The following EPB41L2 variants were observed in gnomAD, a reference collection of about 807,000 sequenced individuals.
The protein encoded by EPB41L2 is erythrocyte membrane protein band 4.1 like 2.
A neutral mutation model predicts 113.0 loss-of-function variants in EPB41L2; 43 were observed. That is an observed-to-expected ratio of 0.38 (90% CI 0.30 to 0.49). The LOEUF (loss-of-function observed/expected upper bound fraction) is 0.49, where lower values mean the gene tolerates loss of function less well. EPB41L2 is among the 20% of genes least tolerant of loss of function. EPB41L2 has a pLI of 0.95. For synonymous variants in EPB41L2, 442 were observed against 436.7 expected (o/e 1.01, Z -0.15); for missense variants, 1,147 against 1,223.4 (o/e 0.94, Z 0.93).
intron 3 of EPB41L2, among the ~76,000 whole-genome samples, chr6:130,945,636 C>T (rs754377849): frequency 4.8e-4 from 73 of 152,078 alleles, no homozygotes; most frequent in African/African-American, 1.6e-3. Context: ...ACACATATAC[C>T]GACTTATCAG....
intron 1 of EPB41L2, among the ~76,000 whole-genome samples, chr6:131,000,456 A>G (rs1422933333): frequency 1.3e-5 from 2 of 152,182 alleles, no homozygotes; most frequent in Middle Eastern, 3.2e-3. Context: ...AATCTGACCA[A>G]CGCAACTACC....
At chr6:130,926,234 T>C (rs535109550) in intron 4 of EPB41L2, among the ~76,000 whole-genome samples, 3 of 152,330 alleles carry the variant, frequency 2.0e-5, no homozygotes, top group South Asian at 2.1e-4. Context: ...CCAGCTTCTT[T>C]ACTTATTTAG....
intron 4 of EPB41L2, among the ~76,000 whole-genome samples, chr6:130,919,501 T>G (rs1402314926): frequency 1.8e-5 from 1 of 55,960 alleles, no homozygotes; most frequent in Non-Finnish European, 2.9e-5. Flanking sequence ...TTTCTACCCA[T>G]GTATCCCCAC....
chr6:131,035,545 C>G (rs1450092088), intron 1 of EPB41L2, among the ~76,000 whole-genome samples: 1 of 152,172 alleles, frequency 6.6e-6, no homozygotes, highest in Admixed American at 6.5e-5. Context: ...CTGAGCTCTT[C>G]TGGGATGATG....
chr6:130,891,268 A>T (rs1425360630), intron 10 of EPB41L2, among the ~76,000 whole-genome samples: 1 of 152,148 alleles, frequency 6.6e-6, no homozygotes, highest in African/African-American at 2.4e-5. Flanking sequence ...TTTCTTAAAG[A>T]ACACTATCAT....
intron 1 of EPB41L2, among the ~76,000 whole-genome samples, chr6:130,995,678 A>G (rs1267091700): frequency 6.6e-6 from 1 of 152,206 alleles, no homozygotes; most frequent in Non-Finnish European, 1.5e-5. Flanking sequence ...TACATAGTAT[A>G]TATCTGAACC....
intron 10 of EPB41L2, among the ~76,000 whole-genome samples, chr6:130,891,332 TA>T (rs1279112885): frequency 6.7e-6 from 1 of 150,066 alleles, no homozygotes; most frequent in Non-Finnish European, 1.5e-5. Flanking sequence ...TCTTCTGCAA[TA>T]AAGAAAAAAA....
chr6:130,950,355 G>A (rs1035726387), intron 3 of EPB41L2, among the ~76,000 whole-genome samples: 3 of 151,864 alleles, frequency 2.0e-5, no homozygotes, highest in African/African-American at 7.3e-5. Context: ...AAAGGCAAAC[G>A]ACACTAGAAA....
At chr6:130,864,557 C>T (rs1783124209) in intron 17 of EPB41L2, among the ~76,000 whole-genome samples, 1 of 152,166 alleles carries the variant, frequency 6.6e-6, no homozygotes, top group Non-Finnish European at 1.5e-5. Context: ...GATCATCTGG[C>T]TGTGACCTTC....
intron 19 of EPB41L2, among the ~76,000 whole-genome samples, chr6:130,852,664 G>A (rs972762874): frequency 6.6e-6 from 1 of 152,106 alleles, no homozygotes; most frequent in Admixed American, 6.6e-5. Context: ...TCACAAAGAA[G>A]GTAAGTTACA....
chr6:130,899,818 T>C (rs894903246), intron 7 of EPB41L2, among the ~76,000 whole-genome samples: 18 of 152,302 alleles, frequency 1.2e-4, no homozygotes, highest in Middle Eastern at 3.4e-3. Context: ...CCATTTTATC[T>C]TAAAAAGTTG....
chr6:131,029,465 A>C (rs1488377107), intron 1 of EPB41L2, among the ~76,000 whole-genome samples: 1 of 151,906 alleles, frequency 6.6e-6, no homozygotes, highest in Admixed American at 6.6e-5. Context: ...GCTAAATAGC[A>C]CATTAATAAC....
chr6:131,006,431 G>T (rs917135191), intron 1 of EPB41L2, among the ~76,000 whole-genome samples: 56 of 151,688 alleles, frequency 3.7e-4, no homozygotes, highest in African/African-American at 1.2e-3. Context: ...GGAGGCCGAG[G>T]CAGGCAGATC....
intron 5 of EPB41L2, 124 bp downstream of exon 5, chr6:130,908,697 G>T: frequency 3.2e-6 from 2 of 628,706 alleles, no homozygotes; most frequent in Non-Finnish European, 5.2e-6. Flanking sequence ...AATATTATTA[G>T]TATTATTAAC....
intron 8 of EPB41L2, among the ~76,000 whole-genome samples, chr6:130,897,554 T>G (rs1795030075): frequency 1.3e-5 from 2 of 152,226 alleles, no homozygotes; most frequent in South Asian, 4.1e-4. Flanking sequence ...AAGAATTGGT[T>G]TCTAACTAAC....
At position 130,948,389 on chromosome 6, in the gene EPB41L2, C is replaced by A. The variant is rs77946462; in HGVS notation, c.705+6716G>T. 2.3e-4 allele frequency among the ~76,000 whole-genome samples: 35 copies of A among 151,928 alleles called. 2 individuals carry two copies. The East Asian group carries it at 6.2e-3, about 27-fold the overall frequency. On this transcript the variant is annotated intron_variant, in intron 3 of 19. Coordinates refer to ENST00000337057, the MANE Select transcript of EPB41L2 (RefSeq NM_001431.4). ...ATTCCAAAACGAGATCCGAGATCTA[C>A]GAAATGCATACTAAATAAGATGGGG...
chr6:130,930,877 A>G (rs1361873623), intron 3 of EPB41L2, among the ~76,000 whole-genome samples: 1 of 152,214 alleles, frequency 6.6e-6, no homozygotes, highest in Non-Finnish European at 1.5e-5. Flanking sequence ...GAAAAAGTGA[A>G]TATGAAAAAG....
intron 3 of EPB41L2, among the ~76,000 whole-genome samples, chr6:130,936,807 G>A (rs1808968557): frequency 6.6e-6 from 1 of 152,134 alleles, no homozygotes; most frequent in African/African-American, 2.4e-5. Flanking sequence ...TTAGCAAACA[G>A]CTGTGAAGTA....
chr6:130,936,234 T>C (rs796279246), intron 3 of EPB41L2, among the ~76,000 whole-genome samples: 5 of 152,348 alleles, frequency 3.3e-5, no homozygotes, highest in East Asian at 1.9e-4. Context: ...CTAAATAGCC[T>C]GCTAAATTTG....
Sources: allele counts gnomAD v4.1 joint callset (sites outside exome capture counted in the v4.1 genomes callset), GRCh38; gene constraint gnomAD v4.1.1; transcripts MANE v1.5; gene names NCBI Gene and HGNC (gene_info 2026-07-23, HGNC 2026-07-21).